The following AGBL4 variants were observed in gnomAD, a reference collection of about 807,000 sequenced individuals.
AGBL4 encodes AGBL carboxypeptidase 4, also known as cytosolic carboxypeptidase 6.
A neutral mutation model predicts 66.4 loss-of-function variants in AGBL4; 58 were observed. The ratio of observed to expected loss-of-function variants is 0.87; its 90% confidence interval spans 0.71 to 1.09. The LOEUF is 1.09. Among genes scored for constraint, AGBL4 ranks in the 50% least tolerant of loss-of-function variants. The pLI, the probability that AGBL4 is intolerant of heterozygous loss-of-function variation, is 0.00. For missense variants in AGBL4, 579 were observed against 631.0 expected (o/e 0.92, Z 0.88); for synonymous variants, 234 against 222.9 (o/e 1.05, Z -0.44).
intron 5 of AGBL4, among the ~76,000 whole-genome samples, chr1:48,901,093 A>G (rs150773633): frequency 2.0e-5 from 3 of 152,332 alleles, no homozygotes; most frequent in African/African-American, 7.2e-5. Flanking sequence ...AAGGAGATGT[A>G]TAGATGGTAA....
chr1:48,634,518 A>G lies in AGBL4; in HGVS notation c.926T>C (p.Leu309Pro), dbSNP rs1645638413. 1.2e-6 allele frequency: 2 copies of G among 1,604,184 alleles called. No homozygotes were observed. Among genetic ancestry groups the G allele is most frequent in the Non-Finnish European group, 1.7e-6 (2 of 1,175,206 alleles). The change falls in exon 9 of 14, where the codon CTC becomes CCC. Residue 309 changes from leucine (L) to proline (P), a missense_variant. Physicochemically the swap from Leu to Pro is moderately conservative, Grantham distance 98. Transcript: ENST00000371839. Reference protein sequence around the residue: ...VHPTLHGVKQLIVQMYNDPKT... With the variant: ...VHPTLHGVKQPIVQMYNDPKT... ...TGGGTCGTTGTACATCTGGACGATG[A>G]GTTGTTTCACTCCATGCAGGGTAGG... is the stretch of plus-strand genomic sequence containing the variant.
chr1:48,989,328 A>G (rs2148975699), intron 5 of AGBL4, among the ~76,000 whole-genome samples: 1 of 152,280 alleles, frequency 6.6e-6, no homozygotes, highest in East Asian at 1.9e-4. Context: ...ATCAAGGTAA[A>G]TGGGGTATCC....
intron 1 of AGBL4, among the ~76,000 whole-genome samples, chr1:49,885,210 C>T (rs1317967030): frequency 6.6e-6 from 1 of 151,894 alleles, no homozygotes; most frequent in Non-Finnish European, 1.5e-5. Context: ...TTAAATGAGT[C>T]TGTCAAAAGT....
At chr1:49,046,821 T>C (rs879608787) in intron 4 of AGBL4, among the ~76,000 whole-genome samples, 1 of 152,162 alleles carries the variant, frequency 6.6e-6, no homozygotes, top group Non-Finnish European at 1.5e-5. Context: ...CAAGGTTGAT[T>C]TGGAAGATCC....
At chr1:48,851,929 G>A (rs1453783546) in intron 6 of AGBL4, among the ~76,000 whole-genome samples, 1 of 147,698 alleles carries the variant, frequency 6.8e-6, no homozygotes, top group Non-Finnish European at 1.5e-5. Context: ...AACAAAAAAA[G>A]AGATATCTGT....
chr1:49,806,793 C>T (rs1417907647), intron 2 of AGBL4, among the ~76,000 whole-genome samples: 2 of 152,170 alleles, frequency 1.3e-5, no homozygotes, highest in Non-Finnish European at 2.9e-5. Context: ...TAGGTGCCCA[C>T]AGGACCCACA....
At chr1:48,624,792 G>A (rs546828401) in intron 9 of AGBL4, among the ~76,000 whole-genome samples, 2 of 152,290 alleles carry the variant, frequency 1.3e-5, no homozygotes, top group African/African-American at 2.4e-5. Flanking sequence ...TAAAGAGTAC[G>A]GAGGATTTTG....
At chr1:48,771,079 A>G (rs963486497) in intron 6 of AGBL4, among the ~76,000 whole-genome samples, 3 of 152,216 alleles carry the variant, frequency 2.0e-5, no homozygotes, top group Non-Finnish European at 2.9e-5. Context: ...TATTTATAAC[A>G]TATTTGGTAG....
At chr1:49,910,356 G>T (rs928413153) in intron 1 of AGBL4, among the ~76,000 whole-genome samples, 1 of 152,154 alleles carries the variant, frequency 6.6e-6, no homozygotes, top group Non-Finnish European at 1.5e-5. Context: ...TATTGCATTT[G>T]GTAAACTGGA....
intron 3 of AGBL4, among the ~76,000 whole-genome samples, chr1:49,325,332 T>A (rs533207506): frequency 1.1e-4 from 17 of 152,310 alleles, no homozygotes; most frequent in African/African-American, 3.8e-4. Context: ...AGTACAAAAA[T>A]CTTTAGTGGC....
chr1:49,607,809 AT>A (rs1168167935), intron 3 of AGBL4, among the ~76,000 whole-genome samples: 9 of 151,988 alleles, frequency 5.9e-5, no homozygotes, highest in Non-Finnish European at 5.9e-5. Context: ...CCCACATCAT[AT>A]TTCTCCTTTA....
At chr1:48,778,978 A>G (rs1232121448) in intron 6 of AGBL4, among the ~76,000 whole-genome samples, 1 of 152,210 alleles carries the variant, frequency 6.6e-6, no homozygotes, top group Non-Finnish European at 1.5e-5. Context: ...GCTTGTGGAA[A>G]AAAAAGGAGC....
intron 2 of AGBL4, among the ~76,000 whole-genome samples, chr1:49,738,255 T>C (rs190040378): frequency 3.7e-4 from 57 of 152,306 alleles, no homozygotes; most frequent in Non-Finnish European, 5.9e-4. Context: ...CACAAGGAGA[T>C]TGTATCCCGT....
At chr1:49,098,038 G>C (rs924974564) in intron 4 of AGBL4, among the ~76,000 whole-genome samples, 9 of 152,212 alleles carry the variant, frequency 5.9e-5, no homozygotes, top group African/African-American at 2.2e-4. Context: ...TCAAGAGAGA[G>C]GTAGCTTTGT....
chr1:49,300,850 C>T (rs1300187943), intron 3 of AGBL4, among the ~76,000 whole-genome samples: 1 of 152,120 alleles, frequency 6.6e-6, no homozygotes, highest in African/African-American at 2.4e-5. Context: ...TATTGTAATC[C>T]TCATAACTTC....
chr1:49,540,489 A>G (rs551871871), intron 3 of AGBL4, among the ~76,000 whole-genome samples: 1 of 152,340 alleles, frequency 6.6e-6, no homozygotes, highest in South Asian at 2.1e-4. Flanking sequence ...CCTTCTAAAT[A>G]GCCAAAACAA....
intron 6 of AGBL4, among the ~76,000 whole-genome samples, chr1:48,728,511 T>C (rs1400078244): frequency 2.0e-5 from 3 of 150,628 alleles, no homozygotes; most frequent in African/African-American, 4.9e-5. Flanking sequence ...TCAAATGTTA[T>C]AGTTTTGAGA....
intron 11 of AGBL4, among the ~76,000 whole-genome samples, chr1:48,568,858 G>C (rs1317218430): frequency 6.6e-6 from 1 of 152,106 alleles, no homozygotes; most frequent in Non-Finnish European, 1.5e-5. Flanking sequence ...CTTATTAATA[G>C]TAATGTTTGG....
chr1:49,675,626 A>G (rs1646563841), intron 3 of AGBL4, among the ~76,000 whole-genome samples: 1 of 152,100 alleles, frequency 6.6e-6, no homozygotes, highest in African/African-American at 2.4e-5. Flanking sequence ...ATGAGTCTAT[A>G]CCTTACTCCA....
Sources: gnomAD v4.1 joint callset for allele counts (sites outside exome capture counted in the v4.1 genomes callset) on GRCh38, gnomAD v4.1.1 for gene constraint, MANE v1.5 for transcripts, NCBI Gene and HGNC (gene_info 2026-07-23, HGNC 2026-07-21) for gene names.